Variants in CYGB observed in about 807,000 individuals in gnomAD.
The protein encoded by CYGB is cytoglobin, also known as histoglobin.
A neutral mutation model predicts 20.7 loss-of-function variants in CYGB; 13 were observed. The ratio of observed to expected loss-of-function variants is 0.63; its 90% CI spans 0.41 to 1.00. The LOEUF is 1.00. CYGB is among the 50% of genes least tolerant of loss of function. The pLI, the probability that CYGB is intolerant of heterozygous loss-of-function variation, is 0.00. For synonymous variants in CYGB, 93 were observed against 107.4 expected (o/e 0.87, Z 0.83); for missense variants, 218 against 257.2 (o/e 0.85, Z 1.04).
rs1598202564 is a variant in CYGB, at chr17:76,531,230, G to A, written c.376-88C>T. Reference sequence around the variant, plus strand: ...GCCCCTCCGCCCCACGTGTGGCCGAGAGGATCATTCCTAACGCAACAGTCT... The same window carrying A: ...GCCCCTCCGCCCCACGTGTGGCCGAAAGGATCATTCCTAACGCAACAGTCT... On this transcript the variant is annotated intron_variant, in intron 2 of 3. Transcript: ENST00000293230. The surrounding 1 kb of genome is among the most constrained non-coding windows in gnomAD (Gnocchi z 7.4). The A allele has an allele frequency of 7.1e-7, 1 of 1,417,978 alleles. No homozygotes were observed. The highest frequency in any genetic ancestry group is 2.4e-5 in the East Asian group (1 of 42,304). The allele number at this position is 1,417,978 out of a possible 1,614,324, so 87.8% of individuals were successfully genotyped here.
chr17:76,529,896 G>A, intron 3 of CYGB: 1 of 985,320 alleles, frequency 1.0e-6, no homozygotes. Flanking sequence ...CTCTCTTGGG[G>A]TGGTGCTGAC....
rs2074792123 is a variant in CYGB at position 76,528,442 on chromosome 17, G to C, written c.*136C>G. 1.2e-6 allele frequency: 1 copy of C among 840,332 alleles called. No individual in the cohort carries two copies. The highest frequency in any genetic ancestry group is 1.8e-5 in the African/African-American group (1 of 56,892). The allele number at this position is 840,332 out of a possible 1,614,324, so 52.1% of individuals were successfully genotyped here. On this transcript the variant is annotated 3_prime_UTR_variant, in exon 4 of 4. Transcript: ENST00000293230. This position sits in a 1 kb window ranked among gnomAD's most constrained non-coding sequence, Gnocchi z 5.8. ...CCAGGGGGGGACCCTGGCCGCCACAGAGGCCTCCTTCGGGGAAGTTGAGTC... is the reference window on the plus strand; with the variant it reads ...CCAGGGGGGGACCCTGGCCGCCACACAGGCCTCCTTCGGGGAAGTTGAGTC...
At chr17:76,542,633 G>A (rs1435212517), upstream of CYGB, 12 of 1,601,136 alleles carry the variant, frequency 7.5e-6, no homozygotes, top group Non-Finnish European at 1.0e-5. Context: ...GGCTCAGGCA[G>A]GTAGGGCAGG....
upstream of CYGB, chr17:76,542,615 G>A (rs779617865): frequency 3.1e-6 from 5 of 1,613,118 alleles, no homozygotes; most frequent in Non-Finnish European, 3.4e-6. Flanking sequence ...CAGAGACTGG[G>A]ATCAGCTGGC....
At chr17:76,538,254 GCGCCCCCGAGCCAGCC>G (rs2074946054), upstream of CYGB, 1 of 187,780 alleles carries the variant, frequency 5.3e-6, no homozygotes, top group Non-Finnish European at 1.1e-5. Flanking sequence ...GCCTCTCCCC[GCGCCCCCGAGCCAGCC>G]GCTGGGGGCC....
In CYGB at chr17:76,531,978, T is replaced by A. The variant is rs1481888977; in HGVS notation, c.144-287A>T. 1 of 328,488 alleles carries A rather than the reference T, an allele frequency of 3.0e-6. No homozygotes were observed. Among genetic ancestry groups the A allele is most frequent in the Non-Finnish European group, 5.7e-6 (1 of 175,582 alleles). 20.3% of individuals were successfully genotyped at this position (328,488 alleles called of 1,614,324 possible). A position where few individuals can be genotyped will look rare whatever the true frequency, so the allele number is the denominator to read the frequency against. ...CGCTTCTTGCTTCCTTCCCAAACTC[T>A]ACACCCCCTTCAAGCCCTGCTCTAG... On this transcript the variant is annotated intron_variant, in intron 1 of 3. Coordinates refer to ENST00000293230, the MANE Select transcript of CYGB (RefSeq NM_134268.5). This position sits in a 1 kb window ranked among gnomAD's most constrained non-coding sequence, Gnocchi z 7.4.
At chr17:76,529,045 C>G (rs1598200107) in intron 3 of CYGB, 2 of 45,704 alleles carry the variant, frequency 4.4e-5, no homozygotes, top group Non-Finnish European at 4.8e-5. Flanking sequence ...AGTCATTGCG[C>G]CCCCCCCCCA....
chr17:76,541,933 T>C (rs1171047246), upstream of CYGB, among the ~76,000 whole-genome samples: 1 of 152,212 alleles, frequency 6.6e-6, no homozygotes, highest in Non-Finnish European at 1.5e-5. Flanking sequence ...GCTCCATAAA[T>C]GCTAGCAGCT....
Position 76,530,637 on chromosome 17 carries a change from T to G in CYGB, c.539+342A>C, listed in dbSNP as rs530723568. On this transcript the variant is annotated intron_variant, in intron 3 of 3. Transcript: ENST00000293230. The surrounding 1 kb of genome is among the most constrained non-coding windows in gnomAD (Gnocchi z 6.1). Reference sequence around the variant, plus strand: ...GGCTGACCTGGGCTGCCTCCGAGCCTGATGATCGGACCTTACCGCCAGGAG... The same window carrying G: ...GGCTGACCTGGGCTGCCTCCGAGCCGGATGATCGGACCTTACCGCCAGGAG... Among the ~76,000 whole-genome samples, 10 of 152,250 alleles carry G rather than the reference T, an allele frequency of 6.6e-5. No individual in the cohort carries two copies. In the South Asian group the frequency reaches 2.1e-3, roughly 32 times the overall value.
chr17:76,528,541 C>G lies in CYGB; in HGVS notation c.*37G>C. ...GGTCTTCAGAACTCGGCCTTCTGCT[C>G]GAGGTGCTGCCAGGGAGGGGGGTGG... On this transcript the variant is annotated 3_prime_UTR_variant, in exon 4 of 4. Coordinates refer to ENST00000293230, the MANE Select transcript of CYGB (RefSeq NM_134268.5). The surrounding 1 kb of genome is among the most constrained non-coding windows in gnomAD (Gnocchi z 5.8). 1 of 1,282,614 alleles carries G rather than the reference C, an allele frequency of 7.8e-7. No individual in the cohort carries two copies. The highest frequency in any genetic ancestry group is 3.1e-5 in the East Asian group (1 of 32,324). The allele number at this position is 1,282,614 out of a possible 1,614,324, so 79.5% of individuals were successfully genotyped here. A position where few individuals can be genotyped will look rare whatever the true frequency, so the allele number is the denominator to read the frequency against.
Position 76,531,996 on chromosome 17 carries a change from T to C in CYGB, c.144-305A>G, listed in dbSNP as rs1353287899. ...CAAACTCTACACCCCCTTCAAGCCC[T>C]GCTCTAGTCATAGCCGAGAGGGTAA... On this transcript the variant is annotated intron_variant, in intron 1 of 3. Coordinates refer to ENST00000293230, the MANE Select transcript of CYGB (RefSeq NM_134268.5). This position sits in a 1 kb window ranked among gnomAD's most constrained non-coding sequence, Gnocchi z 7.4. 3.5e-6 allele frequency: 1 copy of C among 288,420 alleles called. No individual in the cohort carries two copies. Among genetic ancestry groups the C allele is most frequent in the Non-Finnish European group, 6.6e-6 (1 of 151,742 alleles). 17.9% of individuals were successfully genotyped at this position (288,420 alleles called of 1,614,324 possible).
chr17:76,540,203 A>G, upstream of CYGB: 1 of 1,407,026 alleles, frequency 7.1e-7, no homozygotes, highest in Non-Finnish European at 9.5e-7. This position sits in a 1 kb window ranked among gnomAD's most constrained non-coding sequence, Gnocchi z 5.0. Context: ...CGATTTGCCA[A>G]CCGAGTCCAA....
chr17:76,541,275 G>T (rs1031901119), upstream of CYGB, among the ~76,000 whole-genome samples: 12 of 152,210 alleles, frequency 7.9e-5, no homozygotes. Context: ...GGTTCCTTCT[G>T]TGCCTATGGA....
upstream of CYGB, chr17:76,539,889 G>A (rs892843188): frequency 8.6e-6 from 5 of 584,146 alleles, no homozygotes; most frequent in South Asian, 2.1e-5. Context: ...TCGAGACTCC[G>A]AATACGTGCT....
chr17:76,527,503 C>G lies in CYGB; in HGVS notation c.*1075G>C, dbSNP rs1177551300. 1 of 421,836 alleles carries G rather than the reference C, an allele frequency of 2.4e-6. No individual in the cohort carries two copies. The highest frequency in any genetic ancestry group is 4.8e-6 in the Non-Finnish European group (1 of 207,100). 26.1% of individuals were successfully genotyped at this position (421,836 alleles called of 1,614,324 possible). Reference sequence around the variant, plus strand: ...CCAGGAGGGGACACAGCAGGAGCCACAGCAGCAAAACATCCTTGAAGACGA... The same window carrying G: ...CCAGGAGGGGACACAGCAGGAGCCAGAGCAGCAAAACATCCTTGAAGACGA... On this transcript the variant is annotated 3_prime_UTR_variant, in exon 4 of 4. Transcript: ENST00000293230.
chr17:76,539,981 G>C (rs1224947841), upstream of CYGB: 5 of 712,146 alleles, frequency 7.0e-6, no homozygotes, highest in South Asian at 5.3e-5. Context: ...TCACAAGGTC[G>C]GGGCCGCTGA....
In CYGB at chr17:76,530,801, C is replaced by T. The variant is rs1049556027; in HGVS notation, c.539+178G>A. 2.6e-5 allele frequency among the ~76,000 whole-genome samples: 4 copies of T among 152,044 alleles called. No individual in the cohort carries two copies. Among genetic ancestry groups the T allele is most frequent in the African/African-American group, 9.7e-5 (4 of 41,352 alleles). ...GAGCAGCCTGAAGTCACAGGGGAGCCATCTTGAAGGCCTTTCCTATTATGC... is the reference window on the plus strand; with the variant it reads ...GAGCAGCCTGAAGTCACAGGGGAGCTATCTTGAAGGCCTTTCCTATTATGC... On this transcript the variant is annotated intron_variant, in intron 3 of 3. Transcript: ENST00000293230. The surrounding 1 kb of genome is among the most constrained non-coding windows in gnomAD (Gnocchi z 6.1).
intron 3 of CYGB, chr17:76,529,943 C>A: frequency 1.0e-6 from 1 of 985,296 alleles, no homozygotes; most frequent in Non-Finnish European, 1.2e-6. Flanking sequence ...CAGCCCGGGG[C>A]CAGTGTGGTC....
Position 76,531,678 on chromosome 17 carries a change from A to T in CYGB, c.157T>A (p.Phe53Ile), listed in dbSNP as rs1430750376. Residue 53 changes from phenylalanine (F) to isoleucine (I), a missense_variant, in exon 2 of 4, where the codon TTC (phenylalanine) becomes ATC (isoleucine). Physicochemically the swap from Phe to Ile is conservative, Grantham distance 21. Around this residue, in one of 2 missense-constraint regions of CYGB, gnomAD observed 152 missense variants for 149.9 expected, o/e 1.01. Transcript: ENST00000293230. The surrounding 1 kb of genome is among the most constrained non-coding windows in gnomAD (Gnocchi z 7.4). ...CTGAAGTACTGCTTGGCCGAGGGGA[A>T]GTTCACAAAGAACCTGGCAAGAGGA... The part of the protein sequence containing the change: ...VAILVRFFVN[F>I]PSAKQYFSQF... The T allele has an allele frequency of 6.3e-7, 1 of 1,594,856 alleles. No homozygotes were observed. The highest frequency in any genetic ancestry group is 1.1e-5 in the South Asian group (1 of 90,508).
Sources: allele counts gnomAD v4.1 joint callset (sites outside exome capture counted in the v4.1 genomes callset), GRCh38; gene constraint gnomAD v4.1.1; regional missense constraint gnomAD v4.1.1; non-coding constraint Gnocchi (gnomAD v3.1); transcripts MANE v1.5; gene names NCBI Gene and HGNC (gene_info 2026-07-23, HGNC 2026-07-21).